Variants in TRIM2 observed in about 807,000 individuals in gnomAD.
TRIM2 encodes the protein tripartite motif-containing protein 2.
TRIM2 carries 20 observed loss-of-function variants against 75.2 expected under a neutral mutation model. The ratio of observed to expected loss-of-function variants is 0.27; its 90% CI spans 0.19 to 0.39. The LOEUF is 0.39. Ranked by LOEUF, TRIM2 falls within the 10% of genes least tolerant of loss-of-function variation. The pLI is 1.00. For missense variants in TRIM2, 660 were observed against 990.8 expected, an observed-to-expected ratio of 0.67 and a Z score of 4.48; for synonymous variants, 373 against 388.3, an observed-to-expected ratio of 0.96 and a Z score of 0.46.
intron 1 of TRIM2, among the ~76,000 whole-genome samples, chr4:153,161,303 G>C (rs1407225854): frequency 6.6e-6 from 1 of 152,234 alleles, no homozygotes; most frequent in Non-Finnish European, 1.5e-5. Flanking sequence ...CTTTGTGCTA[G>C]AAAGAACCTC....
At chr4:153,240,409 A>G (rs1261680824) in intron 1 of TRIM2, among the ~76,000 whole-genome samples, 1 of 152,240 alleles carries the variant, frequency 6.6e-6, no homozygotes, top group Admixed American at 6.5e-5. Flanking sequence ...GTTTTGTATC[A>G]CAGTTTATAC....
chr4:153,159,103 A>G (rs1185125232), intron 1 of TRIM2, among the ~76,000 whole-genome samples: 3 of 152,198 alleles, frequency 2.0e-5, no homozygotes, highest in Admixed American at 1.3e-4. Context: ...TTCATTGCAT[A>G]CAGATGATTA....
chr4:153,260,906 T>C (rs1314774720), intron 1 of TRIM2, among the ~76,000 whole-genome samples: 1 of 152,172 alleles, frequency 6.6e-6, no homozygotes, highest in East Asian at 1.9e-4. Context: ...TCAGTAACAA[T>C]GCAATTCAAT....
chr4:153,339,156 G>A lies in TRIM2; in HGVS notation c.*4190G>A. 13 of 985,776 alleles carry A rather than the reference G, an allele frequency of 1.3e-5. No individual in the cohort carries two copies. Among genetic ancestry groups the A allele is most frequent in the Non-Finnish European group, 1.6e-5 (13 of 829,908 alleles). The allele number at this position is 985,776 out of a possible 1,614,324, so 61.1% of individuals were successfully genotyped here. A position where few individuals can be genotyped will look rare whatever the true frequency, so the allele number is the denominator to read the frequency against. ...ATGAACGCTGTGCATCAAAGTGTTT[G>A]TATGTTCGTAGCTACATACGTACCA... On this transcript the variant is annotated 3_prime_UTR_variant, in exon 12 of 12. Transcript: ENST00000338700.
Position 153,324,102 on chromosome 4 carries a change from G to T in TRIM2, c.1976G>T (p.Ser659Ile), listed in dbSNP as rs752987606. ...GGTCCCCATTTTGCAGCTGTAAATA[G>T]CAATAATGAGATTATTATTACAGAT... ...FAGPHFAAVNSNNEIIITDFH... is the reference protein window; with the variant it reads ...FAGPHFAAVNINNEIIITDFH... The change falls in exon 10 of 12, where the codon AGC (serine) becomes ATC (isoleucine). Residue 659 changes from serine (S) to isoleucine (I), a missense_variant. Transcript: ENST00000338700. The T allele has an allele frequency of 6.2e-7, 1 of 1,612,120 alleles. No homozygotes were observed. Among genetic ancestry groups the T allele is most frequent in the African/African-American group, 1.3e-5 (1 of 74,910 alleles).
intron 6 of TRIM2, among the ~76,000 whole-genome samples, chr4:153,304,202 C>G (rs975077438): frequency 1.3e-5 from 2 of 152,116 alleles, no homozygotes; most frequent in Non-Finnish European, 2.9e-5. Flanking sequence ...TAATCTCCAC[C>G]TCCTGGGTTC....
intron 1 of TRIM2, among the ~76,000 whole-genome samples, chr4:153,252,784 A>C (rs910663906): frequency 1.3e-5 from 2 of 152,232 alleles, no homozygotes; most frequent in Non-Finnish European, 2.9e-5. Context: ...CTGGGATTAC[A>C]GGCGTAAGCC....
intron 1 of TRIM2, among the ~76,000 whole-genome samples, chr4:153,249,631 C>G (rs1028581352): frequency 6.6e-6 from 1 of 152,244 alleles, no homozygotes; most frequent in Non-Finnish European, 1.5e-5. Context: ...GCTCCCGCCC[C>G]GGCCCTGGGG....
chr4:153,242,038 A>G (rs557186304), intron 1 of TRIM2, among the ~76,000 whole-genome samples: 1 of 152,360 alleles, frequency 6.6e-6, no homozygotes, highest in East Asian at 1.9e-4. Flanking sequence ...GAGGCCCATT[A>G]TGGAACAGGG....
At chr4:153,266,370 G>A (rs1412027373) in intron 1 of TRIM2, among the ~76,000 whole-genome samples, 1 of 142,456 alleles carries the variant, frequency 7.0e-6, no homozygotes, top group South Asian at 2.3e-4. Context: ...TTGAGACGGA[G>A]TCTGACTCTG....
intron 1 of TRIM2, among the ~76,000 whole-genome samples, chr4:153,196,275 A>C (rs573547316): frequency 0.026 from 3,745 of 143,526 alleles, 184 homozygotes; most frequent in African/African-American, 0.096. Flanking sequence ...CCCCCCCCAC[A>C]CACACACACA....
rs1339151933 is a variant in TRIM2 at position 153,324,203 on chromosome 4, G to C, written c.2022+55G>C. The C allele has an allele frequency of 4.7e-6, 7 of 1,502,214 alleles. No individual in the cohort carries two copies. The South Asian group carries it at 7.1e-5, about 15-fold the overall frequency. 93.1% of individuals were successfully genotyped at this position (1,502,214 alleles called of 1,614,324 possible). On this transcript the variant is annotated intron_variant, in intron 10 of 11. Coordinates refer to ENST00000338700, the MANE Select transcript of TRIM2 (RefSeq NM_015271.5). ...TTTTAACTGCTTTTATGGAGAAATT[G>C]GTCTGCGAGAAAATAATGCAATACT...
intron 1 of TRIM2, among the ~76,000 whole-genome samples, chr4:153,176,052 C>T (rs1284319170): frequency 6.6e-6 from 1 of 151,202 alleles, no homozygotes; most frequent in Non-Finnish European, 1.5e-5. Context: ...GAGACTCCAC[C>T]TCTAAAAAAA....
At chr4:153,214,524 A>G (rs1339992225) in intron 1 of TRIM2, among the ~76,000 whole-genome samples, 4 of 152,258 alleles carry the variant, frequency 2.6e-5, no homozygotes, top group Non-Finnish European at 4.4e-5. Flanking sequence ...ATTTGGAACC[A>G]GAACTGTTTA....
intron 2 of TRIM2, among the ~76,000 whole-genome samples, chr4:153,273,270 C>CATTTTTTTTTTT (rs1757187818): frequency 3.5e-5 from 2 of 57,390 alleles, no homozygotes; most frequent in Admixed American, 2.1e-4. Flanking sequence ...TACAGTCACT[C>CATTTTTTTTTTT]TTTTTTTTTT....
At chr4:153,250,958 C>T (rs1750718901) in intron 1 of TRIM2, among the ~76,000 whole-genome samples, 1 of 152,206 alleles carries the variant, frequency 6.6e-6, no homozygotes, top group Admixed American at 6.5e-5. Flanking sequence ...CACACAATCA[C>T]TTGTGCAATG....
chr4:153,202,012 A>C (rs575918846), upstream of TRIM2, among the ~76,000 whole-genome samples: 7 of 152,336 alleles, frequency 4.6e-5, no homozygotes, highest in South Asian at 1.4e-3. Flanking sequence ...AGAAGGATAC[A>C]AGGGCCAGAA....
chr4:153,306,128 CA>C (rs200865610), intron 6 of TRIM2, among the ~76,000 whole-genome samples: 1,477 of 112,424 alleles, frequency 0.013, 17 homozygotes, highest in African/African-American at 0.034. Context: ...GACTCCATCT[CA>C]AAAAAAAAAA....
intron 4 of TRIM2, 87 bp from the exon 5 acceptor site, chr4:153,294,218 T>A: frequency 7.1e-7 from 1 of 1,401,110 alleles, no homozygotes; most frequent in South Asian, 1.4e-5. Flanking sequence ...GGCATAGAAT[T>A]TTTTTAAACA....
Sources: allele counts gnomAD v4.1 joint callset (sites outside exome capture counted in the v4.1 genomes callset), GRCh38; gene constraint gnomAD v4.1.1; transcripts MANE v1.5; gene names NCBI Gene and HGNC (gene_info 2026-07-23, HGNC 2026-07-21).